Variants in SMAGP observed in about 807,000 individuals in gnomAD.
The protein encoded by SMAGP is small cell transmembrane and glycosylated protein.
SMAGP carries 7 observed loss-of-function variants against 10.1 expected under a neutral mutation model. The observed-to-expected ratio is 0.70, with a 90% CI of 0.40 to 1.31. SMAGP has a LOEUF of 1.31. Ranked by LOEUF, SMAGP falls within the 50% of genes most tolerant of loss-of-function variation. The pLI is 0.01. For missense variants in SMAGP, 113 were observed against 116.5 expected (o/e 0.97, Z 0.14); for synonymous variants, 49 against 47.2 (o/e 1.04, Z -0.16).
intron 2 of SMAGP, among the ~76,000 whole-genome samples, chr12:51,266,077 G>A (rs913376064): frequency 6.7e-6 from 1 of 149,932 alleles, no homozygotes; most frequent in Admixed American, 6.7e-5. Flanking sequence ...GCGAGACTCC[G>A]TCTCAAAAAA....
chr12:51,262,611 G>T (rs1944940734), intron 2 of SMAGP, among the ~76,000 whole-genome samples: 1 of 152,126 alleles, frequency 6.6e-6, no homozygotes, highest in Non-Finnish European at 1.5e-5. Context: ...CCAAACAAAG[G>T]AATAATTATT....
Position 51,245,644 on chromosome 12 carries a change from A to T in SMAGP, c.*297T>A. On this transcript the variant is annotated 3_prime_UTR_variant, in exon 4 of 4. Coordinates refer to ENST00000603798, the MANE Select transcript of SMAGP (RefSeq NM_001031628.2). ...ATCTTTTCTCTCCCTTCAACCTGTG[A>T]AAAAAGATGACTGGGCACATACTCA... 1 of 321,618 alleles carries T rather than the reference A, an allele frequency of 3.1e-6. No individual in the cohort carries two copies. Among genetic ancestry groups the T allele is most frequent in the Non-Finnish European group, 5.9e-6 (1 of 170,794 alleles). 19.9% of individuals were successfully genotyped at this position (321,618 alleles called of 1,614,324 possible). A position where few individuals can be genotyped will look rare whatever the true frequency, so the allele number is the denominator to read the frequency against.
In SMAGP at chr12:51,246,059, A is replaced by C; in HGVS notation, c.176T>G (p.Leu59Arg). The C allele has an allele frequency of 6.2e-7, 1 of 1,614,000 alleles. No homozygotes were observed. Among genetic ancestry groups the C allele is most frequent in the Non-Finnish European group, 8.5e-7 (1 of 1,179,890 alleles). ...LSVVILIFFYLYKNKGSYVTY... is the reference protein window; with the variant it reads ...LSVVILIFFYRYKNKGSYVTY... ...GACGTAGCTGCCTTTGTTCTTGTAC[A>C]GGTAAAAGAAGATCAAGATCACGAC... The change falls in exon 4 of 4, where the codon CTG (leucine) becomes CGG (arginine). Residue 59 changes from leucine (L) to arginine (R), a missense_variant. Transcript: ENST00000603798.
chr12:51,263,254 G>A (rs1364261426), intron 2 of SMAGP, among the ~76,000 whole-genome samples: 1 of 151,740 alleles, frequency 6.6e-6, no homozygotes, highest in Non-Finnish European at 1.5e-5. Context: ...ATAGTGGTGG[G>A]CGCCTATAGT....
rs1555166832 is a variant in SMAGP at position 51,250,512 on chromosome 12, T to TTG, written c.35-3682_35-3681insCA. Among the ~76,000 whole-genome samples, 687 of 128,262 alleles carry TTG rather than the reference T, an allele frequency of 5.4e-3. 5 individuals carry two copies. Among genetic ancestry groups the TTG allele is most frequent in the East Asian group, 0.039 (134 of 3,480 alleles). 84.1% of individuals were successfully genotyped at this position (128,262 alleles called of 152,430 possible). On this transcript the variant is annotated intron_variant, in intron 2 of 3. Transcript: ENST00000603798. ...TTGTTGTTGTTGTGTTTTTTTTTTGTTTTTTTTTTGTTGTTGTTGTTGAGA... is the reference window on the plus strand; with the variant it reads ...TTGTTGTTGTTGTGTTTTTTTTTTGTTGTTTTTTTTTGTTGTTGTTGTTGAGA...
chr12:51,246,820 T>G lies in SMAGP; in HGVS notation c.46A>C (p.Thr16Pro), dbSNP rs763873810. 1.3e-6 allele frequency: 2 copies of G among 1,575,976 alleles called. No individual in the cohort carries two copies. Among genetic ancestry groups the G allele is most frequent in the Admixed American group, 3.7e-5 (2 of 53,352 alleles). ...TCAGTGGGCTGTAAAATTGGGGTGG[T>G]CATCAGTTCTTCTGGAAAATGTAGA... ...TTPSPREELM[T>P]TPILQPTEAL... Residue 16 changes from threonine (T) to proline (P), a missense_variant, in exon 3 of 4, where the codon ACC (threonine) becomes CCC (proline). Thr to Pro is a conservative substitution (Grantham distance 38, BLOSUM62 -1). Coordinates refer to ENST00000603798, the MANE Select transcript of SMAGP (RefSeq NM_001031628.2).
At position 51,267,249 on chromosome 12, in the gene SMAGP, C is replaced by T. The variant is rs1036448729; in HGVS notation, c.34+1996G>A. Among the ~76,000 whole-genome samples, 26 of 152,092 alleles carry T rather than the reference C, an allele frequency of 1.7e-4. 1 individual carries two copies. The highest frequency in any genetic ancestry group is 7.2e-4 in the Admixed American group (11 of 15,242). Reference sequence around the variant, plus strand: ...TTATTCTGGAGGTCCTCTGCCCACCCGCTTCCTGAACATCCTCCAGGGTAA... The same window carrying T: ...TTATTCTGGAGGTCCTCTGCCCACCTGCTTCCTGAACATCCTCCAGGGTAA... On this transcript the variant is annotated intron_variant, in intron 2 of 3. Coordinates refer to ENST00000603798, the MANE Select transcript of SMAGP (RefSeq NM_001031628.2).
Position 51,246,266 on chromosome 12 carries a change from C to T in SMAGP, c.116-147G>A, listed in dbSNP as rs886475626. The T allele has an allele frequency of 1.3e-5, 15 of 1,130,162 alleles. No homozygotes were observed. The African/African-American group carries it at 2.0e-4, about 15-fold the overall frequency. The allele number at this position is 1,130,162 out of a possible 1,614,324, so 70.0% of individuals were successfully genotyped here. A position where few individuals can be genotyped will look rare whatever the true frequency, so the allele number is the denominator to read the frequency against. ...CCACTTCCATCCAAACCCATGTTCC[C>T]CCACCAACCCCAATTTCCATGGCAC... On this transcript the variant is annotated intron_variant, in intron 3 of 3. Transcript: ENST00000603798.
chr12:51,261,454 A>C (rs1320947808), intron 2 of SMAGP, among the ~76,000 whole-genome samples: 2 of 152,124 alleles, frequency 1.3e-5, no homozygotes, highest in Admixed American at 1.3e-4. Flanking sequence ...AGCTTGCAAG[A>C]GAAAGCCCAG....
Position 51,250,482 on chromosome 12 carries a change from G to GGTT in SMAGP, c.35-3654_35-3652dup, listed in dbSNP as rs999827896. 7.3e-5 allele frequency among the ~76,000 whole-genome samples: 11 copies of GGTT among 149,948 alleles called. No homozygotes were observed. The East Asian group carries it at 7.9e-4, about 11-fold the overall frequency. On this transcript the variant is annotated intron_variant, in intron 2 of 3. Transcript: ENST00000603798. The stretch of plus-strand genomic sequence containing the variant: ...GAAGTTACTAAACCTCTCTGAACCT[G>GGTT]GTTGTTGTTGTTGTTGTGTTTTTTT...
chr12:51,269,406 G>C, intron 1 of SMAGP, 90 bp from the exon 2 acceptor site: 1 of 965,594 alleles, frequency 1.0e-6, no homozygotes, highest in East Asian at 2.5e-5. Flanking sequence ...CTGGTGCCAG[G>C]TTCTCCCAAG....
At chr12:51,262,092 G>A (rs897070589) in intron 2 of SMAGP, among the ~76,000 whole-genome samples, 3 of 151,452 alleles carry the variant, frequency 2.0e-5, no homozygotes, top group African/African-American at 4.9e-5. Context: ...TTTTTTTTAA[G>A]TAACTTTAAA....
chr12:51,261,078 C>T (rs1305599498), intron 2 of SMAGP, among the ~76,000 whole-genome samples: 4 of 146,388 alleles, frequency 2.7e-5, no homozygotes, highest in Admixed American at 2.1e-4. Context: ...TGTGAGCCAC[C>T]GTGCCCAGCC....
chr12:51,264,229 T>C (rs942984523), intron 2 of SMAGP, among the ~76,000 whole-genome samples: 2 of 152,236 alleles, frequency 1.3e-5, no homozygotes, highest in African/African-American at 4.8e-5. Context: ...GCTTTCTTCC[T>C]ATCTGTGATT....
At chr12:51,246,638 G>GTGTA (rs1177704850) in intron 3 of SMAGP, 113 bp downstream of exon 3, 5 of 629,404 alleles carry the variant, frequency 7.9e-6, no homozygotes, top group Non-Finnish European at 1.1e-5. Flanking sequence ...GTGTGTGTGT[G>GTGTA]TAATATAACT....
chr12:51,251,748 T>G (rs1470015118), intron 2 of SMAGP, among the ~76,000 whole-genome samples: 1 of 152,144 alleles, frequency 6.6e-6, no homozygotes, highest in Non-Finnish European at 1.5e-5. Context: ...GTCATGTTGG[T>G]TTATATGTGA....
At chr12:51,268,037 A>C (rs1002846094) in intron 2 of SMAGP, among the ~76,000 whole-genome samples, 11 of 152,178 alleles carry the variant, frequency 7.2e-5, no homozygotes, top group Admixed American at 5.9e-4. Flanking sequence ...CAGTCAATAA[A>C]TAACTGATAG....
At position 51,256,807 on chromosome 12, in the gene SMAGP, A is replaced by C. The variant is rs954686832; in HGVS notation, c.35-9976T>G. 4.0e-5 allele frequency among the ~76,000 whole-genome samples: 6 copies of C among 151,444 alleles called. No homozygotes were observed. The South Asian group carries it at 1.2e-3, about 31-fold the overall frequency. On this transcript the variant is annotated intron_variant, in intron 2 of 3. Transcript: ENST00000603798. The stretch of plus-strand genomic sequence containing the variant: ...AAAAGATATATATATATATTCTTAT[A>C]TATGGTACTAGAGGTTGAAAAGTCA...
intron 2 of SMAGP, among the ~76,000 whole-genome samples, chr12:51,264,331 A>G (rs1326816944): frequency 6.6e-6 from 1 of 152,190 alleles, no homozygotes; most frequent in African/African-American, 2.4e-5. Flanking sequence ...CACTCATGTC[A>G]CTCGCTGGAT....
Sources: allele counts gnomAD v4.1 joint callset (sites outside exome capture counted in the v4.1 genomes callset), GRCh38; gene constraint gnomAD v4.1.1; transcripts MANE v1.5; gene names NCBI Gene and HGNC (gene_info 2026-07-23, HGNC 2026-07-21).